The following GRID2 variants were observed in gnomAD, a reference collection of about 807,000 sequenced individuals.
GRID2 encodes glutamate ionotropic receptor delta type subunit 2, also known as glutamate receptor ionotropic, delta-2.
GRID2 carries 33 observed loss-of-function variants against 114.8 expected under a neutral mutation model. The ratio of observed to expected loss-of-function variants is 0.29; its 90% CI spans 0.22 to 0.38. GRID2 has a LOEUF of 0.38. Among genes scored for constraint, GRID2 ranks in the 10% least tolerant of loss-of-function variants. GRID2 has a pLI of 1.00. For synonymous variants in GRID2, 505 were observed against 449.9 expected (o/e 1.12, Z -1.55); for missense variants, 1,184 against 1,257.7 (o/e 0.94, Z 0.89).
chr4:92,394,567 G>T (rs564736797), intron 1 of GRID2, among the ~76,000 whole-genome samples: 1 of 151,872 alleles, frequency 6.6e-6, no homozygotes, highest in Admixed American at 6.6e-5. Flanking sequence ...GTAAGTAGTT[G>T]GGTCACAGGC....
intron 2 of GRID2, among the ~76,000 whole-genome samples, chr4:92,954,818 A>G (rs1023623691): frequency 1.2e-3 from 163 of 136,816 alleles, no homozygotes; most frequent in African/African-American, 4.4e-3. Context: ...TTCTGTGTCC[A>G]TGTGATCTCA....
intron 9 of GRID2, among the ~76,000 whole-genome samples, chr4:93,409,886 G>A (rs1366849159): frequency 6.6e-6 from 1 of 152,152 alleles, no homozygotes; most frequent in Non-Finnish European, 1.5e-5. Flanking sequence ...TTTCAGAGAT[G>A]TGTTATACAG....
chr4:93,651,914 G>A (rs1437634292), intron 14 of GRID2, among the ~76,000 whole-genome samples: 1 of 152,112 alleles, frequency 6.6e-6, no homozygotes, highest in African/African-American at 2.4e-5. Context: ...ACAAGTGAAT[G>A]AGCTATTTTC....
intron 4 of GRID2, among the ~76,000 whole-genome samples, chr4:93,113,196 C>A (rs541902857): frequency 1.2e-4 from 18 of 152,302 alleles, no homozygotes; most frequent in African/African-American, 3.8e-4. Context: ...TACTTACTAT[C>A]TTCTTACTAC....
intron 8 of GRID2, among the ~76,000 whole-genome samples, chr4:93,257,962 C>A (rs1749781083): frequency 7.2e-6 from 1 of 139,802 alleles, no homozygotes; most frequent in African/African-American, 2.8e-5. Context: ...TATACATATA[C>A]ACACAATATG....
At chr4:92,740,285 G>A (rs545503971) in intron 2 of GRID2, among the ~76,000 whole-genome samples, 44 of 152,330 alleles carry the variant, frequency 2.9e-4, no homozygotes, top group African/African-American at 1.0e-3. Flanking sequence ...ATGAAAAATA[G>A]AAATGTGTTA....
intron 14 of GRID2, among the ~76,000 whole-genome samples, chr4:93,718,099 C>CA (rs1321677706): frequency 8.6e-5 from 13 of 151,374 alleles, no homozygotes; most frequent in East Asian, 3.9e-4. Context: ...ACTAAAAATA[C>CA]AAAAAAAAGT....
Position 92,359,667 on chromosome 4 carries a change from G to A in GRID2, c.88+54923G>A, listed in dbSNP as rs150544620. On this transcript the variant is annotated intron_variant, in intron 1 of 15. Coordinates refer to ENST00000282020, the MANE Select transcript of GRID2 (RefSeq NM_001510.4). ...CATCTCTGCTCCAGAAACATCAGGC[G>A]CTACTGAGAGGCAGGTTAGACGGGT... 1.9e-4 allele frequency among the ~76,000 whole-genome samples: 29 copies of A among 152,032 alleles called. No homozygotes were observed. In the East Asian group the frequency reaches 3.3e-3, roughly 17 times the overall value.
chr4:93,064,976 A>T (rs778048198), intron 2 of GRID2, among the ~76,000 whole-genome samples: 3 of 151,902 alleles, frequency 2.0e-5, no homozygotes, highest in Non-Finnish European at 4.4e-5. Flanking sequence ...AATGGAAATG[A>T]TACTCTTCAA....
chr4:92,407,682 G>A lies in GRID2; in HGVS notation c.88+102938G>A, dbSNP rs1435951753. On this transcript the variant is annotated intron_variant, in intron 1 of 15. Transcript: ENST00000282020. The stretch of plus-strand genomic sequence containing the variant: ...TTGATTTGCATTTCTCTGATGATAA[G>A]TGATACTAAGCATATTTTCATATGT... Among the ~76,000 whole-genome samples, 6 of 152,180 alleles carry A rather than the reference G, an allele frequency of 3.9e-5. No individual in the cohort carries two copies. In the East Asian group the frequency reaches 1.2e-3, roughly 29 times the overall value.
intron 2 of GRID2, among the ~76,000 whole-genome samples, chr4:92,995,495 GAT>G (rs538397573): frequency 2.6e-3 from 400 of 152,258 alleles, no homozygotes; most frequent in Middle Eastern, 0.014. Context: ...TAGAAAAAGA[GAT>G]ATGGAATTTT....
In GRID2 at chr4:92,590,282, A is replaced by G. The variant is rs765218145; in HGVS notation, c.240A>G (p.Gln80=). The G allele has an allele frequency of 6.2e-6, 10 of 1,610,950 alleles. No homozygotes were observed. The highest frequency in any genetic ancestry group is 3.3e-4 in the Middle Eastern group (2 of 6,068). The part of the protein sequence containing the change: ...VDGNNPFQAV[Q]EACELMNQGI... ...GCAACAACCCTTTCCAAGCAGTTCA[A>G]GAAGGTAAGGTCATCAGTATTTATT... Residue 80 remains glutamine, a synonymous_variant, in exon 2 of 16, where the codon CAA becomes CAG. Coordinates refer to ENST00000282020, the MANE Select transcript of GRID2 (RefSeq NM_001510.4).
In GRID2 at chr4:93,694,562, T is replaced by C. The variant is rs567156649; in HGVS notation, c.2360+68127T>C. On this transcript the variant is annotated intron_variant, in intron 14 of 15. Transcript: ENST00000282020. ...ACTTCTGTTTTAACACTTTTTGAAATCCATGATTTTAAAATACAAACATCT... is the reference window on the plus strand; with the variant it reads ...ACTTCTGTTTTAACACTTTTTGAAACCCATGATTTTAAAATACAAACATCT... Among the ~76,000 whole-genome samples the C allele has an allele frequency of 1.1e-4, 16 of 152,294 alleles. 1 individual carries two copies. In the South Asian group the frequency reaches 3.3e-3, roughly 32 times the overall value.
At chr4:92,766,882 A>T (rs150608319) in intron 2 of GRID2, among the ~76,000 whole-genome samples, 1 of 152,326 alleles carries the variant, frequency 6.6e-6, no homozygotes, top group East Asian at 1.9e-4. Context: ...GGAGTTAAAT[A>T]AGGACTGGAT....
intron 14 of GRID2, among the ~76,000 whole-genome samples, chr4:93,680,123 A>G (rs918000170): frequency 6.6e-6 from 1 of 151,508 alleles, no homozygotes; most frequent in African/African-American, 2.4e-5. Context: ...AGGAATACAA[A>G]CTACCATCAG....
chr4:93,560,242 A>AAAAAAAAAAAAAC (rs1195279456), intron 13 of GRID2, among the ~76,000 whole-genome samples: 1 of 150,352 alleles, frequency 6.7e-6, no homozygotes, highest in African/African-American at 2.4e-5. Context: ...AAAAAAAAAA[A>AAAAAAAAAAAAAC]AAAAAAAAAA....
At chr4:92,475,801 A>T (rs1722279359) in intron 1 of GRID2, among the ~76,000 whole-genome samples, 2 of 152,158 alleles carry the variant, frequency 1.3e-5, no homozygotes, top group South Asian at 4.2e-4. Flanking sequence ...AACCAAGAAT[A>T]TGTGATATCC....
At chr4:93,187,287 TC>T (rs1740517787) in intron 4 of GRID2, among the ~76,000 whole-genome samples, 1 of 152,182 alleles carries the variant, frequency 6.6e-6, no homozygotes, top group Non-Finnish European at 1.5e-5. Context: ...TTTTTTCTTT[TC>T]TTTTTTGAGA....
chr4:93,443,883 A>C lies in GRID2; in HGVS notation c.1546-11779A>C, dbSNP rs188539683. ...TTATTACTACCAAATTGCAAAGAAC[A>C]AGCAGAGCAAGTAAGTTGAGAGAGA... On this transcript the variant is annotated intron_variant, in intron 10 of 15. Transcript: ENST00000282020. Among the ~76,000 whole-genome samples, 3 of 151,892 alleles carry C rather than the reference A, an allele frequency of 2.0e-5. No individual in the cohort carries two copies. The East Asian group carries it at 5.9e-4, about 30-fold the overall frequency.
Sources: allele counts gnomAD v4.1 joint callset (sites outside exome capture counted in the v4.1 genomes callset), GRCh38; gene constraint gnomAD v4.1.1; transcripts MANE v1.5; gene names NCBI Gene and HGNC (gene_info 2026-07-23, HGNC 2026-07-21).